The following MYSM1 variants were observed in gnomAD, a reference collection of about 807,000 sequenced individuals.
MYSM1 encodes deubiquitinase MYSM1.
A neutral mutation model predicts 116.0 loss-of-function variants in MYSM1; 51 were observed. That is an observed-to-expected ratio of 0.44 (90% CI 0.35 to 0.56). MYSM1 has a LOEUF of 0.56. MYSM1 is among the 20% of genes least tolerant of loss of function. The pLI is 0.00. For missense variants in MYSM1, 900 were observed against 974.9 expected (o/e 0.92, Z 1.02); for synonymous variants, 313 against 315.2 (o/e 0.99, Z 0.07).
Position 58,699,832 on chromosome 1 carries a change from C to T in MYSM1, c.68+153G>A. 4.1e-6 allele frequency: 4 copies of T among 985,436 alleles called. No homozygotes were observed. In the South Asian group the frequency reaches 1.9e-4, roughly 46 times the overall value. The allele number at this position is 985,436 out of a possible 1,614,324, so 61.0% of individuals were successfully genotyped here. A position where few individuals can be genotyped will look rare whatever the true frequency, so the allele number is the denominator to read the frequency against. ...GCCCGCTGGGCTTGGGACAAGCCGG[C>T]GGGCGAGGTGCCTCCCAGGCCAACA... On this transcript the variant is annotated intron_variant, in intron 1 of 19. Transcript: ENST00000472487.
At position 58,665,594 on chromosome 1, in the gene MYSM1, A is replaced by T. The variant is rs1311731677; in HGVS notation, c.2069T>A (p.Met690Lys). The change falls in exon 17 of 20, where the codon ATG becomes AAG. Residue 690 changes from methionine (M) to lysine (K), a missense_variant. Met to Lys is a moderately conservative substitution (Grantham distance 95). This residue lies in a region of MYSM1 where 186 missense variants were observed against 196.2 expected (regional missense o/e 0.95). Transcript: ENST00000472487. ...ATTTCGATTATAGGGACTAACAATC[A>T]TCCCAATGAACTTTGCACCTCCTCT... ...FSRGGAKFIG[M>K]IVSPYNRNNP... The T allele has an allele frequency of 6.3e-7, 1 of 1,582,496 alleles. No individual in the cohort carries two copies. The highest frequency in any genetic ancestry group is 8.7e-7 in the Non-Finnish European group (1 of 1,152,134).
chr1:58,692,341 C>T (rs1044890621), intron 3 of MYSM1: 2 of 152,212 alleles, frequency 1.3e-5, no homozygotes, highest in Non-Finnish European at 2.9e-5. Context: ...ATTCAATCCT[C>T]TCCTTTTACA....
rs1167157258 is a variant in MYSM1, at chr1:58,658,169, T to C, written c.*1828A>G. 6.6e-6 allele frequency: 1 copy of C among 152,124 alleles called. No homozygotes were observed. The highest frequency in any genetic ancestry group is 1.5e-5 in the Non-Finnish European group (1 of 68,030). The allele number at this position is 152,124 out of a possible 1,614,324, so 9.4% of individuals were successfully genotyped here. On this transcript the variant is annotated 3_prime_UTR_variant, in exon 20 of 20. Transcript: ENST00000472487. ...ATGGGGTCCAGGTTATGTGTTTTGA[T>C]TAAGGTCACACAGCAAAGTTGGTAA...
At chr1:58,687,731 A>T (rs1644848073) in intron 6 of MYSM1, among the ~76,000 whole-genome samples, 1 of 152,184 alleles carries the variant, frequency 6.6e-6, no homozygotes, top group Non-Finnish European at 1.5e-5. Flanking sequence ...CGCCGGAACA[A>T]GGGCCAGAAC....
intron 1 of MYSM1, chr1:58,699,504 G>T: frequency 4.9e-6 from 2 of 404,246 alleles, no homozygotes; most frequent in Non-Finnish European, 6.7e-6. Flanking sequence ...CTAAAACCTG[G>T]CCCATTTAAG....
chr1:58,670,930 G>A (rs150316148), intron 12 of MYSM1, among the ~76,000 whole-genome samples: 1 of 152,154 alleles, frequency 6.6e-6, no homozygotes. Context: ...CTCACATTTA[G>A]AGTCAGAAAA....
chr1:58,672,038 G>A, intron 11 of MYSM1, 80 bp from the exon 12 acceptor site: 3 of 1,134,814 alleles, frequency 2.6e-6, no homozygotes, highest in Middle Eastern at 1.9e-4. Flanking sequence ...AAATCAAATT[G>A]AAGGGCATGT....
chr1:58,682,540 T>A lies in MYSM1; in HGVS notation c.504A>T (p.Lys168Asn), dbSNP rs747841585. 1 of 1,567,724 alleles carries A rather than the reference T, an allele frequency of 6.4e-7. No individual in the cohort carries two copies. The highest frequency in any genetic ancestry group is 1.2e-5 in the South Asian group (1 of 84,004). Residue 168 changes from lysine (K) to asparagine (N), a missense_variant, in exon 8 of 20, where the codon AAA (lysine) becomes AAT (asparagine). Lys to Asn is a moderately conservative substitution (Grantham distance 94, BLOSUM62 0). Coordinates refer to ENST00000472487, the MANE Select transcript of MYSM1 (RefSeq NM_001085487.3). ...YARQYFKNKV[K>N]CGLDKETPNQ... Reference sequence around the variant, plus strand: ...TTGGTGTTTCTTTATCCAGACCGCATTTGACCTTATTAAAAATCAAAATAA... The same window carrying A: ...TTGGTGTTTCTTTATCCAGACCGCAATTGACCTTATTAAAAATCAAAATAA...
intron 1 of MYSM1, among the ~76,000 whole-genome samples, chr1:58,698,102 A>ATATTTTTTTTTT: frequency 3.9e-4 from 3 of 7,770 alleles, no homozygotes; most frequent in African/African-American, 7.7e-4. Flanking sequence ...ATATATATAT[A>ATATTTTTTTTTT]TTTTTTTTTT....
Position 58,697,857 on chromosome 1 carries a change from G to A in MYSM1, c.68+2128C>T, listed in dbSNP as rs540977063. On this transcript the variant is annotated intron_variant, in intron 1 of 19. Coordinates refer to ENST00000472487, the MANE Select transcript of MYSM1 (RefSeq NM_001085487.3). Reference sequence around the variant, plus strand: ...GCCCGCCTTGGCCTCCCAAAGTGCTGGGATTACAGGCATGAGCCACCGCAC... The same window carrying A: ...GCCCGCCTTGGCCTCCCAAAGTGCTAGGATTACAGGCATGAGCCACCGCAC... 2.6e-5 allele frequency among the ~76,000 whole-genome samples: 4 copies of A among 151,470 alleles called. No individual in the cohort carries two copies. In the South Asian group the frequency reaches 8.4e-4, roughly 32 times the overall value.
intron 1 of MYSM1, among the ~76,000 whole-genome samples, chr1:58,698,110 T>A (rs1447594067): frequency 2.6e-4 from 4 of 15,250 alleles, no homozygotes; most frequent in African/African-American, 4.1e-4. Flanking sequence ...ATATTTTTTT[T>A]TTTTTTTTGA....
intron 1 of MYSM1, among the ~76,000 whole-genome samples, chr1:58,696,524 T>C (rs1227083479): frequency 6.6e-6 from 1 of 152,232 alleles, no homozygotes; most frequent in Admixed American, 6.5e-5. Context: ...ACAACCCCCA[T>C]TTAATCTGCC....
At chr1:58,693,900 A>G (rs1003561805) in intron 2 of MYSM1, among the ~76,000 whole-genome samples, 1 of 152,252 alleles carries the variant, frequency 6.6e-6, no homozygotes, top group African/African-American at 2.4e-5. Flanking sequence ...AATCCGACTC[A>G]TAAGTCCTGC....
intron 17 of MYSM1, 88 bp from the exon 18 acceptor site, chr1:58,661,599 T>G (rs1480365663): frequency 1.1e-5 from 8 of 718,138 alleles, no homozygotes; most frequent in Non-Finnish European, 1.6e-5. Flanking sequence ...CCCTTCGGTG[T>G]TTTTACAGCC....
At position 58,682,164 on chromosome 1, in the gene MYSM1, T is replaced by A. The variant is rs41287660; in HGVS notation, c.880A>T (p.Ile294Phe). 1 of 1,612,970 alleles carries A rather than the reference T, an allele frequency of 6.2e-7. No individual in the cohort carries two copies. Among genetic ancestry groups the A allele is most frequent in the Non-Finnish European group, 8.5e-7 (1 of 1,179,086 alleles). The part of the protein sequence containing the change: ...KQDETLSSSE[I>F]TLWTEKQSNG... ...CTCTGTTTCTCAGTCCACAGTGTAA[T>A]TTCTGAGCTTGAAAGTGTTTCATCT... Residue 294 changes from isoleucine (I) to phenylalanine (F), a missense_variant, in exon 8 of 20, where the codon ATT (isoleucine) becomes TTT (phenylalanine). Physicochemically the swap from Ile to Phe is conservative, Grantham distance 21. This residue lies in a region of MYSM1 where 622 missense variants were observed against 623.7 expected (regional missense o/e 1.00). Transcript: ENST00000472487.
chr1:58,689,139 C>CA, intron 5 of MYSM1, 23 bp from the exon 6 acceptor site: 15 of 1,566,486 alleles, frequency 9.6e-6, no homozygotes, highest in Admixed American at 6.2e-5. Context: ...AAAGGAATTG[C>CA]AAAAAAAATT....
intron 6 of MYSM1, among the ~76,000 whole-genome samples, chr1:58,688,618 T>C (rs1296134894): frequency 6.6e-6 from 1 of 151,860 alleles, no homozygotes; most frequent in African/African-American, 2.4e-5. Flanking sequence ...AGACAGTGTA[T>C]ACAATGCCAA....
chr1:58,684,184 T>C (rs1644791098), intron 7 of MYSM1, among the ~76,000 whole-genome samples: 1 of 152,154 alleles, frequency 6.6e-6, no homozygotes. Context: ...TAGAACTCAT[T>C]ATCTACATGA....
chr1:58,678,641 A>T (rs2100639297), intron 8 of MYSM1, among the ~76,000 whole-genome samples: 1 of 152,326 alleles, frequency 6.6e-6, no homozygotes, highest in East Asian at 1.9e-4. Context: ...AAGAGACAGT[A>T]AACAAATAAA....
Sources: gnomAD v4.1 joint callset for allele counts (sites outside exome capture counted in the v4.1 genomes callset) on GRCh38, gnomAD v4.1.1 for gene constraint, gnomAD v4.1.1 regional missense constraint, MANE v1.5 for transcripts, NCBI Gene and HGNC (gene_info 2026-07-23, HGNC 2026-07-21) for gene names.